Variants in DENND4C observed in about 807,000 individuals in gnomAD.
The protein encoded by DENND4C is DENN domain containing 4C, also known as DENN domain-containing protein 4C.
In DENND4C, 108 loss-of-function variants were observed where a neutral mutation model predicts 203.0. That is an observed-to-expected ratio of 0.53 (90% CI 0.46 to 0.62). The LOEUF is 0.62. Among genes scored for constraint, DENND4C ranks in the 20% least tolerant of loss-of-function variants. The pLI is 0.00. For synonymous variants in DENND4C, 871 were observed against 792.4 expected, an observed-to-expected ratio of 1.10 and a Z score of -1.67; for missense variants, 2,481 against 2,301.2, an observed-to-expected ratio of 1.08 and a Z score of -1.60.
chr9:19,280,310 C>G (rs1206273661), intron 2 of DENND4C, among the ~76,000 whole-genome samples: 1 of 152,076 alleles, frequency 6.6e-6, no homozygotes, highest in Non-Finnish European at 1.5e-5. Context: ...CCACGCCCAG[C>G]TAACTTTTGT....
intron 1 of DENND4C, among the ~76,000 whole-genome samples, chr9:19,231,075 G>A (rs978235627): frequency 2.6e-5 from 4 of 152,238 alleles, no homozygotes; most frequent in Admixed American, 1.3e-4. Flanking sequence ...GTCGGGGAAA[G>A]GCTGCCCCTG....
intron 16 of DENND4C, among the ~76,000 whole-genome samples, chr9:19,328,865 A>G (rs1162884710): frequency 1.3e-5 from 2 of 151,926 alleles, no homozygotes; most frequent in African/African-American, 4.8e-5. Context: ...CCTGACCAAC[A>G]TGGAGAAACC....
At chr9:19,284,884 C>T (rs1834876934) in intron 2 of DENND4C, among the ~76,000 whole-genome samples, 1 of 151,908 alleles carries the variant, frequency 6.6e-6, no homozygotes, top group South Asian at 2.1e-4. Context: ...TGTCATGTAA[C>T]GTTTATTTTA....
At chr9:19,270,623 C>A (rs183968598) in intron 1 of DENND4C, among the ~76,000 whole-genome samples, 2 of 152,204 alleles carry the variant, frequency 1.3e-5, no homozygotes, top group East Asian at 3.9e-4. Context: ...GTTGTTTTCA[C>A]CTTTTGGCTA....
chr9:19,287,083 T>C, intron 3 of DENND4C, 62 bp downstream of exon 3: 2 of 1,222,376 alleles, frequency 1.6e-6, no homozygotes, highest in South Asian at 8.5e-5. Flanking sequence ...ACGTTTTGGA[T>C]TCCTGTTTAC....
chr9:19,282,160 C>G (rs1375548388), intron 2 of DENND4C, among the ~76,000 whole-genome samples: 1 of 40,104 alleles, frequency 2.5e-5, no homozygotes, highest in African/African-American at 5.3e-5. Context: ...GTTTAAAACA[C>G]TTACCATACA....
intron 1 of DENND4C, among the ~76,000 whole-genome samples, chr9:19,263,822 A>AT (rs1829934720): frequency 6.6e-6 from 1 of 151,230 alleles, no homozygotes; most frequent in African/African-American, 2.4e-5. Flanking sequence ...CGCCCGGCTA[A>AT]ATTTTTTTTG....
chr9:19,353,248 C>G (rs1340084270), intron 26 of DENND4C, among the ~76,000 whole-genome samples: 2 of 152,162 alleles, frequency 1.3e-5, no homozygotes, highest in African/African-American at 4.8e-5. Context: ...TTTGGTGACT[C>G]TGTGCTGACC....
chr9:19,269,402 G>T (rs930910451), intron 1 of DENND4C, among the ~76,000 whole-genome samples: 1 of 152,072 alleles, frequency 6.6e-6, no homozygotes, highest in African/African-American at 2.4e-5. Flanking sequence ...CGGGTGATCT[G>T]CCCGTCTCGG....
chr9:19,305,953 C>T (rs775912969), intron 10 of DENND4C, among the ~76,000 whole-genome samples: 31 of 152,170 alleles, frequency 2.0e-4, no homozygotes, highest in East Asian at 3.9e-4. Flanking sequence ...GCTTAGTTGT[C>T]GGGATTTTAA....
In DENND4C at chr9:19,282,715, CT is replaced by C. The variant is rs1554717864; in HGVS notation, c.306-4035del. 3.2e-4 allele frequency among the ~76,000 whole-genome samples: 28 copies of C among 86,660 alleles called. 1 individual carries two copies. The highest frequency in any genetic ancestry group is 8.4e-4 in the African/African-American group (19 of 22,626). The allele number at this position is 86,660 out of a possible 152,430, so 56.9% of individuals were successfully genotyped here. Reference sequence around the variant, plus strand: ...TTTTCTTTTTCTTTTTTTCTTCTCTCTTTTTTTTTTTTTTTTTTTGAGACAG... The same window carrying C: ...TTTTCTTTTTCTTTTTTTCTTCTCTCTTTTTTTTTTTTTTTTTTGAGACAG... On this transcript the variant is annotated intron_variant, in intron 2 of 32. Transcript: ENST00000434457.
At position 19,312,552 on chromosome 9, in the gene DENND4C, T is replaced by G. The variant is rs138718750; in HGVS notation, c.1488-3865T>G. ...CATTAAAATATGCACAAGAAACTAGTGATTATGTATTATGGGGGTGAGGGA... is the reference window on the plus strand; with the variant it reads ...CATTAAAATATGCACAAGAAACTAGGGATTATGTATTATGGGGGTGAGGGA... On this transcript the variant is annotated intron_variant, in intron 10 of 32. Coordinates refer to ENST00000434457, the MANE Select transcript of DENND4C (RefSeq NM_001330640.2). Among the ~76,000 whole-genome samples the G allele has an allele frequency of 2.9e-3, 448 of 152,294 alleles. 6 individuals carry two copies. Among genetic ancestry groups the G allele is most frequent in the Admixed American group, 0.026 (401 of 15,298 alleles).
At chr9:19,323,391 C>T (rs1341020449) in intron 12 of DENND4C, among the ~76,000 whole-genome samples, 1 of 150,574 alleles carries the variant, frequency 6.6e-6, no homozygotes, top group Non-Finnish European at 1.5e-5. Context: ...GATCACATTA[C>T]TGCACTCCAG....
In DENND4C at chr9:19,328,657, GTCTATCTATCTATCTA is replaced by G. The variant is rs60484849; in HGVS notation, c.2253+519_2253+534del. On this transcript the variant is annotated intron_variant, in intron 16 of 32. Transcript: ENST00000434457. ...TGTCTGTCTGTCTGTCTGTCTGTCT[GTCTATCTATCTATCTA>G]TCTATCTATCTATCTATCTATCTGT... 5.9e-5 allele frequency among the ~76,000 whole-genome samples: 7 copies of G among 119,378 alleles called. No homozygotes were observed. The South Asian group carries it at 1.9e-3, about 33-fold the overall frequency. 78.3% of individuals were successfully genotyped at this position (119,378 alleles called of 152,430 possible).
intron 10 of DENND4C, among the ~76,000 whole-genome samples, chr9:19,308,981 A>T (rs1040651301): frequency 5.9e-5 from 9 of 152,214 alleles, no homozygotes; most frequent in African/African-American, 2.2e-4. Flanking sequence ...AAAAGACCTT[A>T]TATTATAATT....
At chr9:19,243,716 A>G (rs1824365358) in intron 1 of DENND4C, among the ~76,000 whole-genome samples, 1 of 152,206 alleles carries the variant, frequency 6.6e-6, no homozygotes. Context: ...GTTCTATAGA[A>G]ACACCACATT....
intron 20 of DENND4C, among the ~76,000 whole-genome samples, chr9:19,340,383 A>G (rs879849090): frequency 6.6e-6 from 1 of 152,074 alleles, no homozygotes; most frequent in Non-Finnish European, 1.5e-5. Context: ...TGGCCCTTTC[A>G]GTGTGATTAT....
chr9:19,234,059 A>G (rs1380750210), intron 1 of DENND4C, among the ~76,000 whole-genome samples: 1 of 152,104 alleles, frequency 6.6e-6, no homozygotes, highest in Admixed American at 6.6e-5. Context: ...TAATTCCGTG[A>G]TTAATGTTAA....
At chr9:19,272,944 C>CTTTTTT (rs1564107230) in intron 1 of DENND4C, among the ~76,000 whole-genome samples, 1 of 105,916 alleles carries the variant, frequency 9.4e-6, no homozygotes, top group African/African-American at 3.8e-5. Context: ...ATTTTTGTAT[C>CTTTTTT]CTTTTTTTTT....
Sources: gnomAD v4.1 joint callset for allele counts (sites outside exome capture counted in the v4.1 genomes callset) on GRCh38, gnomAD v4.1.1 for gene constraint, MANE v1.5 for transcripts, NCBI Gene and HGNC (gene_info 2026-07-23, HGNC 2026-07-21) for gene names.